Variants in ATP7B observed in about 807,000 individuals in gnomAD.
ATP7B encodes ATPase copper transporting beta, also known as copper-transporting ATPase 2.
Under a neutral mutation model 118.9 loss-of-function variants are expected in ATP7B, and 113 were observed. The ratio of observed to expected loss-of-function variants is 0.95; its 90% confidence interval spans 0.82 to 1.11. The LOEUF (loss-of-function observed/expected upper bound fraction) is 1.11. Among genes scored for constraint, ATP7B ranks in the 50% most tolerant of loss-of-function variants. ATP7B has a pLI of 0.00. For missense variants in ATP7B, 1,867 were observed against 1,871.4 expected (o/e 1.00, Z 0.04); for synonymous variants, 777 against 727.4 (o/e 1.07, Z -1.10).
At chr13:51,995,350 T>C in intron 1 of ATP7B, 1 of 985,282 alleles carries the variant, frequency 1.0e-6, no homozygotes, top group Non-Finnish European at 1.2e-6. Context: ...CATTCAAAAC[T>C]CTCTGTGGAA....
chr13:52,007,482 T>C (rs1029428196), intron 1 of ATP7B, among the ~76,000 whole-genome samples: 14 of 152,358 alleles, frequency 9.2e-5, no homozygotes, highest in Admixed American at 6.5e-4. Flanking sequence ...GCTTTCCTAT[T>C]GTTCCCCAAA....
chr13:51,945,534 A>T (rs1957590943), intron 13 of ATP7B, among the ~76,000 whole-genome samples: 1 of 152,086 alleles, frequency 6.6e-6, no homozygotes, highest in Admixed American at 6.5e-5. Context: ...CGCTTCCCTG[A>T]CCACCTGCAG....
upstream of ATP7B, among the ~76,000 whole-genome samples, chr13:52,011,778 G>T (rs1954047176): frequency 6.6e-6 from 1 of 152,366 alleles, no homozygotes; most frequent in East Asian, 1.9e-4. Flanking sequence ...CGGCCACCTC[G>T]CGCTGGTGCG....
intron 17 of ATP7B, 81 bp from the exon 18 acceptor site, chr13:51,937,760 T>A: frequency 6.6e-7 from 1 of 1,512,880 alleles, no homozygotes; most frequent in Non-Finnish European, 9.1e-7. Flanking sequence ...CCTTGCCCCC[T>A]CTGCCCTCGG....
rs770020484 is a variant in ATP7B, at chr13:51,957,535, C to T, written c.2428G>A (p.Glu810Lys). ...ACTCACCTGATGATTAAATTGTCCT[C>T]ACCAAGGGTCACAACGGTGGCTTCT... ...ATEATVVTLG[E>K]DNLIIREEQV... Residue 810 changes from glutamate to lysine, a missense_variant, in exon 9 of 21, where the codon GAG becomes AAG. Coordinates refer to ENST00000242839, the MANE Select transcript of ATP7B (RefSeq NM_000053.4). The T allele has an allele frequency of 6.2e-7, 1 of 1,614,132 alleles. No individual in the cohort carries two copies. Among genetic ancestry groups the T allele is most frequent in the South Asian group, 1.1e-5 (1 of 91,084 alleles).
At chr13:51,962,926 T>C (rs1032324817) in intron 5 of ATP7B, among the ~76,000 whole-genome samples, 4 of 151,962 alleles carry the variant, frequency 2.6e-5, no homozygotes, top group Admixed American at 6.6e-5. Context: ...ACCCCATCTC[T>C]ACTAAAAATA....
Position 51,968,540 on chromosome 13 carries a change from G to A in ATP7B, c.1611C>T (p.Ile537=). Residue 537 remains isoleucine, a synonymous_variant, in exon 4 of 21, where the codon ATC becomes ATT. Transcript: ENST00000242839. The part of the protein sequence containing the change: ...KAEIKYDPEV[I]QPLEIAQFIQ... Reference sequence around the variant, plus strand: ...TGAACTGAGCTATCTCGAGGGGCTGGATGACCTCTGGGTCATACTTGATCT... The same window carrying A: ...TGAACTGAGCTATCTCGAGGGGCTGAATGACCTCTGGGTCATACTTGATCT... The A allele has an allele frequency of 6.2e-7, 1 of 1,614,114 alleles. No individual in the cohort carries two copies. The highest frequency in any genetic ancestry group is 8.5e-7 in the Non-Finnish European group (1 of 1,180,032).
At chr13:51,935,506 TGA>T (rs1956905531) in intron 20 of ATP7B, 85 bp downstream of exon 20, 1 of 1,378,996 alleles carries the variant, frequency 7.3e-7, no homozygotes, top group Admixed American at 2.0e-5. Flanking sequence ...GAATGGGAAA[TGA>T]GAGGCAAGTT....
rs749361510 is a variant in ATP7B, at chr13:51,950,227, C to T, written c.2575+45G>A. The T allele has an allele frequency of 6.2e-6, 10 of 1,614,212 alleles. No homozygotes were observed. The South Asian group carries it at 1.1e-4, about 18-fold the overall frequency. On this transcript the variant is annotated intron_variant, in intron 10 of 20. Coordinates refer to ENST00000242839, the MANE Select transcript of ATP7B (RefSeq NM_000053.4). ...ATCCAGCACTCATGTGACCTGACAG[C>T]TGCTATGATATCCTCCTGAGGGAAC...
At position 52,011,430 on chromosome 13, in the gene ATP7B, A is replaced by G; in HGVS notation, c.-93T>C. ...GAGAGCGGGGTGTTAAAGTCCCGGG[A>G]GAGGAGGCGCAGAGTGTGAGGGCAT... On this transcript the variant is annotated 5_prime_UTR_variant, in exon 1 of 21. Coordinates refer to ENST00000242839, the MANE Select transcript of ATP7B (RefSeq NM_000053.4). The G allele has an allele frequency of 6.4e-7, 1 of 1,554,604 alleles. No individual in the cohort carries two copies. The highest frequency in any genetic ancestry group is 1.1e-5 in the South Asian group (1 of 89,162).
chr13:51,941,372 G>T, intron 15 of ATP7B, 148 bp from the exon 16 acceptor site: 1 of 850,158 alleles, frequency 1.2e-6, no homozygotes, highest in Non-Finnish European at 1.8e-6. Flanking sequence ...CATCCTTTAG[G>T]ACAAAAAAAA....
At chr13:51,959,948 C>A (rs1010769405) in intron 7 of ATP7B, 200 bp downstream of exon 7, 7 of 645,532 alleles carry the variant, frequency 1.1e-5, no homozygotes, top group Non-Finnish European at 1.9e-5. Flanking sequence ...TAGTAGTCCC[C>A]CACACTGGGG....
chr13:51,966,932 A>C, intron 4 of ATP7B: 18 of 1,612,914 alleles, frequency 1.1e-5, no homozygotes, highest in East Asian at 2.2e-5. Flanking sequence ...AAAACAACAC[A>C]GTTTTCTTGT....
chr13:51,943,035 G>A (rs1001307950), intron 14 of ATP7B, among the ~76,000 whole-genome samples: 1 of 152,200 alleles, frequency 6.6e-6, no homozygotes, highest in African/African-American at 2.4e-5. Context: ...ATCAGACCCT[G>A]GAGGAGGAGG....
At chr13:51,955,199 G>C (rs1958258289) in intron 9 of ATP7B, among the ~76,000 whole-genome samples, 2 of 152,214 alleles carry the variant, frequency 1.3e-5, no homozygotes, top group Admixed American at 1.3e-4. Flanking sequence ...CACAAGCAGA[G>C]GCCCAGACGC....
chr13:51,933,523 A>C lies in ATP7B; in HGVS notation c.*1233T>G, dbSNP rs1956803729. Reference sequence around the variant, plus strand: ...CTCCCAAAGGGTTCTGTCAATCACAACCAACTTCAGAGTCTAAAACTGAAC... The same window carrying C: ...CTCCCAAAGGGTTCTGTCAATCACACCCAACTTCAGAGTCTAAAACTGAAC... On this transcript the variant is annotated 3_prime_UTR_variant, in exon 21 of 21. Transcript: ENST00000242839. The C allele has an allele frequency of 6.6e-6, 1 of 152,212 alleles. No homozygotes were observed. The highest frequency in any genetic ancestry group is 1.5e-5 in the Non-Finnish European group (1 of 68,032). 9.4% of individuals were successfully genotyped at this position (152,212 alleles called of 1,614,324 possible).
intron 12 of ATP7B, among the ~76,000 whole-genome samples, chr13:51,946,931 G>A (rs907522114): frequency 7.2e-5 from 11 of 152,130 alleles, no homozygotes; most frequent in African/African-American, 2.4e-4. Flanking sequence ...AACTATTATC[G>A]TTATTTTTCT....
intron 1 of ATP7B, among the ~76,000 whole-genome samples, chr13:52,008,605 C>CA (rs1027474692): frequency 6.6e-6 from 1 of 152,132 alleles, no homozygotes; most frequent in Non-Finnish European, 1.5e-5. Context: ...CTCTTATCAC[C>CA]ATCTCTCAGG....
chr13:51,974,848 G>T lies in ATP7B; in HGVS notation c.372C>A (p.Ser124Arg), dbSNP rs1489384071. ...AGGAGGCTGCCTTTCCTTCTGCAAT[G>T]CTGGCCTCGAAGCCCATGTCCCCAA... ...HQIGDMGFEA[S>R]IAEGKAASWP... The change falls in exon 2 of 21, where the codon AGC becomes AGA. Residue 124 changes from serine to arginine, a missense_variant. Transcript: ENST00000242839. 61 of 1,614,228 alleles carry T rather than the reference G, an allele frequency of 3.8e-5. No individual in the cohort carries two copies. Among genetic ancestry groups the T allele is most frequent in the Non-Finnish European group, 4.8e-5 (57 of 1,180,048 alleles).
Sources: allele counts gnomAD v4.1 joint callset (sites outside exome capture counted in the v4.1 genomes callset), GRCh38; gene constraint gnomAD v4.1.1; transcripts MANE v1.5; gene names NCBI Gene and HGNC (gene_info 2026-07-23, HGNC 2026-07-21).